The following XPNPEP1 variants were observed in gnomAD, a reference collection of about 807,000 sequenced individuals.
XPNPEP1 encodes the protein X-prolyl aminopeptidase 1, also known as xaa-Pro aminopeptidase 1.
A neutral mutation model predicts 92.4 loss-of-function variants in XPNPEP1; 39 were observed. The observed-to-expected ratio is 0.42, with a 90% CI of 0.33 to 0.55. XPNPEP1 has a LOEUF of 0.55. XPNPEP1 is among the 20% of genes least tolerant of loss of function. The probability of loss-of-function intolerance (pLI) is 0.08; values close to 1 mark genes in which losing one functional copy is unlikely to be tolerated. For synonymous variants in XPNPEP1, 307 were observed against 299.4 expected, an observed-to-expected ratio of 1.03 and a Z score of -0.26; for missense variants, 654 against 856.1, an observed-to-expected ratio of 0.76 and a Z score of 2.95.
intron 2 of XPNPEP1, among the ~76,000 whole-genome samples, chr10:109,909,354 C>A (rs1410028683): frequency 6.6e-6 from 1 of 151,986 alleles, no homozygotes; most frequent in East Asian, 1.9e-4. Flanking sequence ...GGGGAGTCTA[C>A]CATTCAAATA....
intron 10 of XPNPEP1, among the ~76,000 whole-genome samples, chr10:109,881,841 C>G (rs568687605): frequency 1.8e-4 from 28 of 152,278 alleles, no homozygotes; most frequent in African/African-American, 6.3e-4. Flanking sequence ...AGCAAGGGCT[C>G]AGTAAAGGGC....
intron 2 of XPNPEP1, among the ~76,000 whole-genome samples, chr10:109,914,406 A>G (rs1323555577): frequency 6.6e-6 from 1 of 152,138 alleles, no homozygotes; most frequent in Non-Finnish European, 1.5e-5. Flanking sequence ...ATAATAACCT[A>G]TCTCCTTCTC....
chr10:109,890,190 T>C (rs534867412), intron 5 of XPNPEP1, among the ~76,000 whole-genome samples: 24 of 152,098 alleles, frequency 1.6e-4, no homozygotes, highest in Admixed American at 3.3e-4. Context: ...GCCACATACC[T>C]ACATTAAGGA....
rs199680299 is a variant in XPNPEP1 at position 109,914,483 on chromosome 10, TCTAA to T, written c.121+524_121+527del. ...AACAACAAAAAAAAAGTTGTAATTCTCTAACTTACTACCTTAAAAAAAAATGGTA... is the reference window on the plus strand; with the variant it reads ...AACAACAAAAAAAAAGTTGTAATTCTCTTACTACCTTAAAAAAAAATGGTA... On this transcript the variant is annotated intron_variant, in intron 2 of 20. Transcript: ENST00000502935. Among the ~76,000 whole-genome samples, 1,271 of 152,078 alleles carry T rather than the reference TCTAA, an allele frequency of 8.4e-3. 23 individuals carry two copies. Among genetic ancestry groups the T allele is most frequent in the African/African-American group, 0.029 (1,190 of 41,468 alleles).
At chr10:109,887,591 A>G (rs1848461907) in intron 7 of XPNPEP1, among the ~76,000 whole-genome samples, 1 of 152,154 alleles carries the variant, frequency 6.6e-6, no homozygotes, top group South Asian at 2.1e-4. Flanking sequence ...ACCCATCACT[A>G]TCGCACAGGC....
intron 1 of XPNPEP1, 44 bp downstream of exon 1, chr10:109,923,358 G>C (rs1167674100): frequency 7.0e-6 from 10 of 1,422,530 alleles, no homozygotes; most frequent in Non-Finnish European, 9.2e-6. Context: ...CGCAGCGAGG[G>C]CTGCACGCTG....
intron 12 of XPNPEP1, among the ~76,000 whole-genome samples, chr10:109,879,430 C>T (rs1249558928): frequency 2.0e-5 from 3 of 151,672 alleles, no homozygotes; most frequent in Admixed American, 6.6e-5. Flanking sequence ...ATTAGCCAGG[C>T]GCAGTGGCAG....
At chr10:109,884,886 G>A (rs143523210) in intron 8 of XPNPEP1, among the ~76,000 whole-genome samples, 2,208 of 152,314 alleles carry the variant, frequency 0.014, 52 homozygotes, top group South Asian at 0.12. Flanking sequence ...GCAAAAAAAC[G>A]CCTGGGCATT....
chr10:109,891,973 G>A, intron 4 of XPNPEP1, 147 bp from the exon 5 acceptor site: 1 of 687,244 alleles, frequency 1.5e-6, no homozygotes, highest in East Asian at 2.8e-5. Context: ...AGAAACCTCT[G>A]GGCAAGAGAA....
intron 3 of XPNPEP1, 37 bp downstream of exon 3, chr10:109,907,654 A>C (rs1423031706): frequency 3.1e-6 from 5 of 1,613,170 alleles, no homozygotes; most frequent in Non-Finnish European, 3.4e-6. Flanking sequence ...GGGAAAAAAG[A>C]CTGAAAAGAA....
chr10:109,899,266 G>C (rs536403126), intron 3 of XPNPEP1, among the ~76,000 whole-genome samples: 31 of 152,274 alleles, frequency 2.0e-4, no homozygotes, highest in African/African-American at 7.0e-4. Flanking sequence ...ATTGAGGTGA[G>C]GTCACATGAC....
intron 18 of XPNPEP1, 142 bp downstream of exon 18, chr10:109,870,589 A>T: frequency 9.2e-7 from 1 of 1,082,240 alleles, no homozygotes; most frequent in Non-Finnish European, 1.3e-6. Flanking sequence ...ATGAACATGT[A>T]TCAGTTCTAT....
At chr10:109,894,870 C>A (rs562987028) in intron 3 of XPNPEP1, among the ~76,000 whole-genome samples, 1 of 152,322 alleles carries the variant, frequency 6.6e-6, no homozygotes, top group East Asian at 1.9e-4. Context: ...AAATGGCCAC[C>A]AGCATCGTTT....
intron 1 of XPNPEP1, among the ~76,000 whole-genome samples, chr10:109,921,510 AC>A (rs1440079064): frequency 1.3e-5 from 2 of 151,608 alleles, no homozygotes; most frequent in Non-Finnish European, 2.9e-5. Flanking sequence ...TGAATACCTC[AC>A]CCCCCTGCAA....
intron 3 of XPNPEP1, 64 bp from the exon 4 acceptor site, chr10:109,893,139 T>C: frequency 3.3e-6 from 5 of 1,496,176 alleles, no homozygotes; most frequent in Non-Finnish European, 4.6e-6. Context: ...TTCTGCCTGC[T>C]TAGCCTTGTG....
intron 1 of XPNPEP1, among the ~76,000 whole-genome samples, chr10:109,921,186 C>T (rs575766109): frequency 6.6e-6 from 1 of 152,294 alleles, no homozygotes; most frequent in East Asian, 1.9e-4. Flanking sequence ...GAAGAATATA[C>T]CTCAGGGACT....
rs1205606574 is a variant in XPNPEP1 at position 109,865,371 on chromosome 10, C to T, written c.1873-59G>A. 3.1e-6 allele frequency: 5 copies of T among 1,607,112 alleles called. No homozygotes were observed. In the South Asian group the frequency reaches 3.3e-5, roughly 11 times the overall value. Reference sequence around the variant, plus strand: ...CCACTACATCTTTAACAACTGGCTACACAGGTCAACAGCAAAGGCCCCCAT... The same window carrying T: ...CCACTACATCTTTAACAACTGGCTATACAGGTCAACAGCAAAGGCCCCCAT... On this transcript the variant is annotated intron_variant, in intron 20 of 20. Transcript: ENST00000502935.
At chr10:109,874,091 T>G (rs1012492611) in intron 15 of XPNPEP1, among the ~76,000 whole-genome samples, 2 of 152,168 alleles carry the variant, frequency 1.3e-5, no homozygotes, top group African/African-American at 4.8e-5. Flanking sequence ...ATAAAAAAAA[T>G]TAATTGTATA....
intron 16 of XPNPEP1, 124 bp downstream of exon 16, chr10:109,873,243 A>G (rs1043262805): frequency 8.9e-7 from 1 of 1,121,392 alleles, no homozygotes; most frequent in Non-Finnish European, 1.3e-6. Context: ...CTGACTCCAC[A>G]GCAAGGAGCA....
Sources: allele counts gnomAD v4.1 joint callset (sites outside exome capture counted in the v4.1 genomes callset), GRCh38; gene constraint gnomAD v4.1.1; transcripts MANE v1.5; gene names NCBI Gene and HGNC (gene_info 2026-07-23, HGNC 2026-07-21).